Variants in ATP13A5 observed in about 807,000 individuals in gnomAD.
The protein encoded by ATP13A5 is probable cation-transporting ATPase 13A5.
Under a neutral mutation model 150.2 loss-of-function variants are expected in ATP13A5, and 149 were observed. The observed-to-expected ratio is 0.99, with a 90% CI of 0.87 to 1.14. The LOEUF (loss-of-function observed/expected upper bound fraction) is 1.14, where lower values mean the gene tolerates loss of function less well. Ranked by LOEUF, ATP13A5 falls within the 50% of genes most tolerant of loss-of-function variation. The pLI is 0.00. For missense variants in ATP13A5, 1,383 were observed against 1,449.3 expected (o/e 0.95, Z 0.74); for synonymous variants, 497 against 522.2 (o/e 0.95, Z 0.66).
intron 26 of ATP13A5, among the ~76,000 whole-genome samples, chr3:193,287,177 G>A (rs1322629869): frequency 1.3e-5 from 2 of 152,126 alleles, no homozygotes; most frequent in Non-Finnish European, 2.9e-5. Context: ...ATATGTAAAA[G>A]TACAAGGTAA....
At position 193,378,431 on chromosome 3, in the gene ATP13A5, T is replaced by C. The variant is rs145517517; in HGVS notation, c.63+232A>G. Among the ~76,000 whole-genome samples the C allele has an allele frequency of 9.2e-5, 14 of 152,346 alleles. No homozygotes were observed. The East Asian group carries it at 2.7e-3, about 29-fold the overall frequency. ...TGCGAGGAAACATCACAGGTTCATATGAAGATGGCAAGAATTCTATCATCC... is the reference window on the plus strand; with the variant it reads ...TGCGAGGAAACATCACAGGTTCATACGAAGATGGCAAGAATTCTATCATCC... On this transcript the variant is annotated intron_variant, in intron 1 of 29. Transcript: ENST00000342358.
chr3:193,333,497 A>T (rs1711721367), intron 11 of ATP13A5, among the ~76,000 whole-genome samples: 1 of 152,226 alleles, frequency 6.6e-6, no homozygotes, highest in African/African-American at 2.4e-5. Flanking sequence ...GCTCTGTAAA[A>T]GTGGAAATTA....
Position 193,311,894 on chromosome 3 carries a change from T to A in ATP13A5, c.2367A>T (p.Gly789=). 1 of 1,613,980 alleles carries A rather than the reference T, an allele frequency of 6.2e-7. No homozygotes were observed. The highest frequency in any genetic ancestry group is 8.5e-7 in the Non-Finnish European group (1 of 1,179,880). Residue 789 remains glycine (G), a synonymous_variant, in exon 20 of 30, where the codon GGA becomes GGT. Transcript: ENST00000342358. The part of the protein sequence containing the change: ...TGNSSTPRGE[G]GSCYHFAMSG... ...TCATTGCAAAATGGTAACAGCTTCC[T>A]CCTTCCCCACGAGGGGTTGAACTGT...
intron 1 of ATP13A5, among the ~76,000 whole-genome samples, chr3:193,377,767 A>G (rs1713692938): frequency 1.3e-5 from 2 of 152,158 alleles, no homozygotes; most frequent in African/African-American, 4.8e-5. Flanking sequence ...GGGCCCCCAA[A>G]TGTGCCCTCA....
intron 15 of ATP13A5, among the ~76,000 whole-genome samples, 200 bp downstream of exon 15, chr3:193,322,291 A>T (rs1321801811): frequency 6.6e-6 from 1 of 152,194 alleles, no homozygotes; most frequent in Non-Finnish European, 1.5e-5. Flanking sequence ...GCTAGCACCT[A>T]GCACAATGCC....
At chr3:193,339,181 A>T (rs752826020) in intron 9 of ATP13A5, among the ~76,000 whole-genome samples, 6 of 152,096 alleles carry the variant, frequency 3.9e-5, no homozygotes, top group Non-Finnish European at 8.8e-5. Context: ...TTTTCAAAAA[A>T]TCAGCTCCCG....
chr3:193,300,092 C>A (rs1453610807), intron 24 of ATP13A5, among the ~76,000 whole-genome samples: 1 of 152,188 alleles, frequency 6.6e-6, no homozygotes, highest in Non-Finnish European at 1.5e-5. Flanking sequence ...TGAATTTCTG[C>A]TTTCACATGT....
At chr3:193,283,030 CTG>C (rs1560112258) in intron 27 of ATP13A5, among the ~76,000 whole-genome samples, 5 of 151,844 alleles carry the variant, frequency 3.3e-5, no homozygotes, top group Admixed American at 2.6e-4. Context: ...CAAGAATAGA[CTG>C]ATATTTAAAA....
At chr3:193,321,303 T>C (rs116838054) in intron 16 of ATP13A5, among the ~76,000 whole-genome samples, 137 of 152,238 alleles carry the variant, frequency 9.0e-4, no homozygotes, top group Non-Finnish European at 1.7e-3. Context: ...CCACGTTCAT[T>C]GATTGTGAAG....
chr3:193,337,692 T>C (rs1711941366), intron 9 of ATP13A5, among the ~76,000 whole-genome samples: 1 of 152,202 alleles, frequency 6.6e-6, no homozygotes, highest in Non-Finnish European at 1.5e-5. Context: ...TATTTTGGCT[T>C]AGGATTGTCT....
chr3:193,322,485 T>C lies in ATP13A5; in HGVS notation c.1758+6A>G. On this transcript the variant is annotated splice_donor_region_variant and intron_variant, in intron 15 of 29. Coordinates refer to ENST00000342358, the MANE Select transcript of ATP13A5 (RefSeq NM_198505.4). The stretch of plus-strand genomic sequence containing the variant: ...GAGCTATGTGATGTAAAGAAGGAAA[T>C]CATACCTTACTGGCTTTTGGTCCTG... 6.2e-7 allele frequency: 1 copy of C among 1,608,778 alleles called. No individual in the cohort carries two copies. The highest frequency in any genetic ancestry group is 8.5e-7 in the Non-Finnish European group (1 of 1,175,484).
intron 25 of ATP13A5, among the ~76,000 whole-genome samples, chr3:193,297,994 T>G (rs1247500105): frequency 2.0e-5 from 3 of 152,086 alleles, no homozygotes; most frequent in Non-Finnish European, 4.4e-5. Flanking sequence ...AAGGAGGAGA[T>G]ATGATTCATG....
chr3:193,342,073 C>T (rs566873663), intron 9 of ATP13A5, among the ~76,000 whole-genome samples: 127 of 152,280 alleles, frequency 8.3e-4, no homozygotes, highest in African/African-American at 2.9e-3. Flanking sequence ...CCTCACTCTC[C>T]TCATTTGTAA....
At chr3:193,354,800 A>C (rs570867471) in intron 5 of ATP13A5, among the ~76,000 whole-genome samples, 1 of 152,128 alleles carries the variant, frequency 6.6e-6, no homozygotes, top group Admixed American at 6.6e-5. Context: ...ACCATTAACA[A>C]AGTTTTTACA....
chr3:193,348,483 T>C (rs1712438773), intron 7 of ATP13A5, among the ~76,000 whole-genome samples: 1 of 152,134 alleles, frequency 6.6e-6, no homozygotes, highest in Admixed American at 6.6e-5. Context: ...AGTATGCACA[T>C]ACAGTTCAAT....
At chr3:193,280,186 G>A (rs1717420743) in intron 27 of ATP13A5, among the ~76,000 whole-genome samples, 1 of 151,866 alleles carries the variant, frequency 6.6e-6, no homozygotes, top group African/African-American at 2.4e-5. Context: ...AAGTAGCTGG[G>A]ACTACAGGCG....
intron 12 of ATP13A5, 57 bp from the exon 13 acceptor site, chr3:193,327,114 TA>T: frequency 6.9e-7 from 1 of 1,457,494 alleles, no homozygotes; most frequent in Non-Finnish European, 9.3e-7. Flanking sequence ...AATTATATAG[TA>T]ATTTAAACAA....
At chr3:193,337,911 G>A (rs887715652) in intron 9 of ATP13A5, among the ~76,000 whole-genome samples, 1 of 152,158 alleles carries the variant, frequency 6.6e-6, no homozygotes, top group Non-Finnish European at 1.5e-5. Flanking sequence ...ATTTCATTGA[G>A]CAGTGGTTTG....
rs1185388684 is a variant in ATP13A5, at chr3:193,326,850, C to A, written c.1523+146G>T. On this transcript the variant is annotated intron_variant, in intron 13 of 29. Transcript: ENST00000342358. ...ATTCTGAAATTAGAATTCATTTAAG[C>A]AAGTTAGAATAATTAGGAACTAGTT... 5.8e-6 allele frequency: 4 copies of A among 685,974 alleles called. No individual in the cohort carries two copies. In the African/African-American group the frequency reaches 7.5e-5, roughly 13 times the overall value. The allele number at this position is 685,974 out of a possible 1,614,324, so 42.5% of individuals were successfully genotyped here.
Sources: allele counts gnomAD v4.1 joint callset (sites outside exome capture counted in the v4.1 genomes callset), GRCh38; gene constraint gnomAD v4.1.1; transcripts MANE v1.5; gene names NCBI Gene and HGNC (gene_info 2026-07-23, HGNC 2026-07-21).